NRXN1: variants seen among roughly 807,000 people sequenced by gnomAD.
NRXN1 encodes the protein neurexin-1.
In NRXN1, 39 loss-of-function variants were observed where a neutral mutation model predicts 150.9. The observed-to-expected ratio is 0.26, with a 90% CI of 0.20 to 0.34. NRXN1 has a LOEUF of 0.34. Among genes scored for constraint, NRXN1 ranks in the 10% least tolerant of loss-of-function variants. The pLI is 1.00. For missense variants in NRXN1, 1,815 were observed against 1,949.9 expected (o/e 0.93, Z 1.30); for synonymous variants, 924 against 757.0 (o/e 1.22, Z -3.62).
intron 5 of NRXN1, among the ~76,000 whole-genome samples, chr2:50,774,899 C>T (rs1436154481): frequency 6.6e-6 from 1 of 152,090 alleles, no homozygotes; most frequent in Admixed American, 6.6e-5. Flanking sequence ...AACTATATCC[C>T]TATGATCTAA....
intron 19 of NRXN1, among the ~76,000 whole-genome samples, chr2:50,058,536 AGAATAAAAAACTAAT>A (rs138499705): frequency 0.13 from 20,125 of 152,126 alleles, 1,899 homozygotes; most frequent in East Asian, 0.38. Flanking sequence ...TTCTCCTACT[AGAATAAAAAACTAAT>A]GACTTTGTTC....
intron 17 of NRXN1, among the ~76,000 whole-genome samples, chr2:50,444,007 A>C (rs759332057): frequency 2.0e-5 from 3 of 152,186 alleles, no homozygotes; most frequent in South Asian, 2.1e-4. Context: ...TTATAGATGG[A>C]CTGCTTTTGA....
At chr2:49,991,062 AAAAT>A (rs1395347703) in intron 21 of NRXN1, among the ~76,000 whole-genome samples, 2 of 152,172 alleles carry the variant, frequency 1.3e-5, no homozygotes, top group Admixed American at 6.5e-5. Context: ...GGAAAAAAAT[AAAAT>A]AAATAGAAAA....
intron 5 of NRXN1, among the ~76,000 whole-genome samples, chr2:50,775,985 G>A (rs1329033642): frequency 6.6e-6 from 1 of 152,008 alleles, no homozygotes; most frequent in South Asian, 2.1e-4. Flanking sequence ...ACCTCTAGAT[G>A]CTTAAAATCT....
chr2:50,151,954 G>A (rs1415871524), intron 18 of NRXN1, among the ~76,000 whole-genome samples: 3 of 151,658 alleles, frequency 2.0e-5, no homozygotes, highest in Admixed American at 6.6e-5. Flanking sequence ...ATAATCTTTA[G>A]GAATTAAAAT....
chr2:51,023,023 T>C (rs998011628), intron 2 of NRXN1, among the ~76,000 whole-genome samples: 1 of 152,146 alleles, frequency 6.6e-6, no homozygotes, highest in African/African-American at 2.4e-5. Context: ...TTCTGAACAA[T>C]CAATGGCCTT....
intron 21 of NRXN1, among the ~76,000 whole-genome samples, chr2:49,995,278 T>TA (rs1275116736): frequency 3.3e-5 from 5 of 152,212 alleles, no homozygotes; most frequent in Non-Finnish European, 5.9e-5. Flanking sequence ...GAATGTTTTA[T>TA]AAAAAACCTT....
chr2:49,975,459 T>G (rs555100643), intron 21 of NRXN1, among the ~76,000 whole-genome samples: 2 of 152,166 alleles, frequency 1.3e-5, no homozygotes, highest in Non-Finnish European at 2.9e-5. Context: ...ATGCTGAAAT[T>G]CCAAAGCTCA....
intron 18 of NRXN1, among the ~76,000 whole-genome samples, chr2:50,160,070 T>A (rs1157402510): frequency 1.3e-5 from 2 of 152,106 alleles, no homozygotes; most frequent in African/African-American, 4.8e-5. Context: ...AAATTCAGAA[T>A]AAATAACCTG....
At chr2:50,908,544 C>T (rs1228526568) in intron 5 of NRXN1, among the ~76,000 whole-genome samples, 1 of 151,764 alleles carries the variant, frequency 6.6e-6, no homozygotes. Context: ...TAGAGCATGC[C>T]AAGATTAGGA....
intron 17 of NRXN1, among the ~76,000 whole-genome samples, chr2:50,352,753 GATAATA>G (rs201046323): frequency 3.1e-4 from 26 of 83,814 alleles, no homozygotes; most frequent in Admixed American, 1.1e-3. Context: ...TAAGAGCATT[GATAATA>G]ATAATAATAA....
intron 17 of NRXN1, among the ~76,000 whole-genome samples, chr2:50,250,192 T>G (rs2152897082): frequency 6.6e-6 from 1 of 152,268 alleles, no homozygotes; most frequent in Non-Finnish European, 1.5e-5. Context: ...ATTAAGAATT[T>G]ATGGTAACTT....
At chr2:50,784,421 G>C (rs545370842) in intron 5 of NRXN1, among the ~76,000 whole-genome samples, 19 of 152,130 alleles carry the variant, frequency 1.2e-4, no homozygotes, top group African/African-American at 4.3e-4. Context: ...TGAATGCATA[G>C]GAGTGACCCT....
intron 17 of NRXN1, among the ~76,000 whole-genome samples, chr2:50,449,527 C>G (rs1030156229): frequency 1.3e-5 from 2 of 152,140 alleles, no homozygotes; most frequent in Non-Finnish European, 2.9e-5. Context: ...TATTCAGAGT[C>G]AGTAGGTGTG....
intron 5 of NRXN1, among the ~76,000 whole-genome samples, chr2:50,908,236 A>G (rs187659989): frequency 3.4e-4 from 52 of 152,150 alleles, no homozygotes; most frequent in African/African-American, 1.2e-3. Flanking sequence ...ACTCTTGAGT[A>G]GAGTACAGAA....
intron 5 of NRXN1, among the ~76,000 whole-genome samples, chr2:50,826,690 C>T (rs67986063): frequency 0.089 from 13,546 of 152,076 alleles, 713 homozygotes; most frequent in Admixed American, 0.092. Context: ...CTAATGATAT[C>T]TATTGAGAAG....
intron 2 of NRXN1, among the ~76,000 whole-genome samples, chr2:50,930,595 G>A (rs538675696): frequency 3.9e-5 from 6 of 151,982 alleles, no homozygotes; most frequent in Non-Finnish European, 7.4e-5. Flanking sequence ...AATTTGTTTT[G>A]CTTTGATAAT....
At chr2:49,932,045 TGAG>T (rs1670217751) in intron 22 of NRXN1, among the ~76,000 whole-genome samples, 2 of 151,866 alleles carry the variant, frequency 1.3e-5, no homozygotes, top group Non-Finnish European at 1.5e-5. Context: ...GCTAGAGTAA[TGAG>T]GAGTATGTGT....
intron 5 of NRXN1, among the ~76,000 whole-genome samples, chr2:50,861,135 T>C (rs1676074527): frequency 6.6e-6 from 1 of 152,056 alleles, no homozygotes; most frequent in East Asian, 1.9e-4. Context: ...AGAGATTTTA[T>C]AGCTATGAGA....
Sources: allele counts gnomAD v4.1 joint callset (sites outside exome capture counted in the v4.1 genomes callset), GRCh38; gene constraint gnomAD v4.1.1; transcripts MANE v1.5; gene names NCBI Gene and HGNC (gene_info 2026-07-23, HGNC 2026-07-21).